The following PIK3R4 variants were observed in gnomAD, a reference collection of about 807,000 sequenced individuals.
PIK3R4 encodes phosphoinositide 3-kinase regulatory subunit 4.
Under a neutral mutation model 136.5 loss-of-function variants are expected in PIK3R4, and 46 were observed. The ratio of observed to expected loss-of-function variants is 0.34; its 90% confidence interval spans 0.27 to 0.43. PIK3R4 has a LOEUF of 0.43. Among genes scored for constraint, PIK3R4 ranks in the 20% least tolerant of loss-of-function variants. The probability of loss-of-function intolerance (pLI) is 1.00; values close to 1 mark genes in which losing one functional copy is unlikely to be tolerated. For missense variants in PIK3R4, 1,331 were observed against 1,649.5 expected, an observed-to-expected ratio of 0.81 and a Z score of 3.35; for synonymous variants, 557 against 566.7, an observed-to-expected ratio of 0.98 and a Z score of 0.24.
At chr3:130,731,295 A>C (rs1457723991) in intron 4 of PIK3R4, among the ~76,000 whole-genome samples, 2 of 152,218 alleles carry the variant, frequency 1.3e-5, no homozygotes, top group African/African-American at 4.8e-5. Context: ...CCTTAAACTT[A>C]AAATAACCTT....
At position 130,702,940 on chromosome 3, in the gene PIK3R4, T is replaced by C. The variant is rs537900585; in HGVS notation, c.3098+783A>G. On this transcript the variant is annotated intron_variant, in intron 13 of 19. Transcript: ENST00000356763. ...CATGATCATATTCCATCTAATCCATTCATTCAGCAAATCTTGTTATATCCA... is the reference window on the plus strand; with the variant it reads ...CATGATCATATTCCATCTAATCCATCCATTCAGCAAATCTTGTTATATCCA... Among the ~76,000 whole-genome samples the C allele has an allele frequency of 3.9e-5, 6 of 152,340 alleles. No individual in the cohort carries two copies. The South Asian group carries it at 1.2e-3, about 32-fold the overall frequency.
At chr3:130,736,561 A>G (rs921613786) in intron 2 of PIK3R4, among the ~76,000 whole-genome samples, 3 of 152,098 alleles carry the variant, frequency 2.0e-5, no homozygotes, top group Non-Finnish European at 2.9e-5. Flanking sequence ...TCCAGCCTGG[A>G]TGACAGAGTG....
At chr3:130,741,654 C>T (rs996887179) in intron 2 of PIK3R4, among the ~76,000 whole-genome samples, 1 of 152,086 alleles carries the variant, frequency 6.6e-6, no homozygotes, top group South Asian at 2.1e-4. Flanking sequence ...CCCTACCAGC[C>T]TTTTCAATAT....
intron 2 of PIK3R4, among the ~76,000 whole-genome samples, chr3:130,738,265 T>G (rs1161520884): frequency 2.0e-5 from 3 of 152,224 alleles, no homozygotes; most frequent in Non-Finnish European, 2.9e-5. Flanking sequence ...TAGGGTAAGC[T>G]ATGAAGTTCA....
Position 130,699,740 on chromosome 3 carries a change from C to T in PIK3R4, c.3098+3983G>A, listed in dbSNP as rs193004444. The stretch of plus-strand genomic sequence containing the variant: ...AGAAACCCCATATGCTTTTCTTAAA[C>T]CTAATTTTAAAAAACACAATTATCA... On this transcript the variant is annotated intron_variant, in intron 13 of 19. Coordinates refer to ENST00000356763, the MANE Select transcript of PIK3R4 (RefSeq NM_014602.3). Among the ~76,000 whole-genome samples, 694 of 152,252 alleles carry T rather than the reference C, an allele frequency of 4.6e-3. 8 individuals carry two copies. Among genetic ancestry groups the T allele is most frequent in the Non-Finnish European group, 4.5e-3 (308 of 68,016 alleles).
At position 130,728,686 on chromosome 3, in the gene PIK3R4, TAAAAAAAA is replaced by T; in HGVS notation, c.1586-10_1586-3del. 2 of 1,027,388 alleles carry T rather than the reference TAAAAAAAA, an allele frequency of 1.9e-6. No individual in the cohort carries two copies. Among genetic ancestry groups the T allele is most frequent in the African/African-American group, 1.9e-5 (1 of 51,570 alleles). 63.6% of individuals were successfully genotyped at this position (1,027,388 alleles called of 1,614,324 possible). A position where few individuals can be genotyped will look rare whatever the true frequency, so the allele number is the denominator to read the frequency against. On this transcript the variant is annotated splice_polypyrimidine_tract_variant and splice_region_variant and intron_variant, in intron 5 of 19. Coordinates refer to ENST00000356763, the MANE Select transcript of PIK3R4 (RefSeq NM_014602.3). ...CCATTTCATGTAAGGCTTGGAGCTCTAAAAAAAAAAAAAAAAGAAAGAAAGAAAGAAAG... is the reference window on the plus strand; with the variant it reads ...CCATTTCATGTAAGGCTTGGAGCTCTAAAAAAAAGAAAGAAAGAAAGAAAG...
chr3:130,681,084 G>A lies in PIK3R4; in HGVS notation c.3709-19C>T, dbSNP rs774173205. The A allele has an allele frequency of 7.5e-7, 1 of 1,332,488 alleles. No individual in the cohort carries two copies. The highest frequency in any genetic ancestry group is 1.7e-5 in the Admixed American group (1 of 59,660). 82.5% of individuals were successfully genotyped at this position (1,332,488 alleles called of 1,614,324 possible). A position where few individuals can be genotyped will look rare whatever the true frequency, so the allele number is the denominator to read the frequency against. ...GAGAAGGCTTAAAAGAAATAGATGT[G>A]GAGTCAAATAAAAGACATCCGTGTA... On this transcript the variant is annotated intron_variant, in intron 17 of 19. Coordinates refer to ENST00000356763, the MANE Select transcript of PIK3R4 (RefSeq NM_014602.3).
intron 13 of PIK3R4, among the ~76,000 whole-genome samples, chr3:130,696,582 A>G (rs950472021): frequency 6.6e-6 from 1 of 152,114 alleles, no homozygotes; most frequent in African/African-American, 2.4e-5. Context: ...ACTGATACCT[A>G]GTTTCATTCC....
At chr3:130,706,548 T>G (rs369351902) in intron 11 of PIK3R4, among the ~76,000 whole-genome samples, 2 of 152,222 alleles carry the variant, frequency 1.3e-5, no homozygotes, top group African/African-American at 4.8e-5. Flanking sequence ...AAAAGCATCA[T>G]GACATTTATC....
intron 1 of PIK3R4, 38 bp downstream of exon 1, chr3:130,746,280 A>G (rs1455467492): frequency 1.2e-4 from 18 of 152,170 alleles, no homozygotes; most frequent in African/African-American, 2.4e-5. Context: ...AATGCCACAC[A>G]TATACACACA....
At chr3:130,694,029 T>C (rs1477694673) in intron 13 of PIK3R4, among the ~76,000 whole-genome samples, 7 of 152,030 alleles carry the variant, frequency 4.6e-5, no homozygotes, top group Admixed American at 4.6e-4. Context: ...CCAACTGAAA[T>C]ATCCTGACAC....
chr3:130,703,764 G>T lies in PIK3R4; in HGVS notation c.3057C>A (p.Ile1019=). The T allele has an allele frequency of 6.2e-7, 1 of 1,613,472 alleles. No individual in the cohort carries two copies. Among genetic ancestry groups the T allele is most frequent in the Non-Finnish European group, 8.5e-7 (1 of 1,179,458 alleles). ...TCCCCTCCATCTTTTGACTGTTCCAGATTTTCACTGTGCCATCATTTGAAC... is the reference window on the plus strand; with the variant it reads ...TCCCCTCCATCTTTTGACTGTTCCATATTTTCACTGTGCCATCATTTGAAC... ...ATCSNDGTVK[I]WNSQKMEGKT... is the part of the protein sequence containing the mutation. Residue 1019 remains isoleucine, a synonymous_variant, in exon 13 of 20, where the codon ATC becomes ATA. Coordinates refer to ENST00000356763, the MANE Select transcript of PIK3R4 (RefSeq NM_014602.3).
intron 1 of PIK3R4, among the ~76,000 whole-genome samples, chr3:130,746,030 TAAAAAAA>T (rs796537614): frequency 3.2e-5 from 4 of 125,512 alleles, no homozygotes; most frequent in Non-Finnish European, 7.1e-5. Flanking sequence ...TCTCAAAAAA[TAAAAAAA>T]AAAAAAGAAA....
intron 2 of PIK3R4, among the ~76,000 whole-genome samples, chr3:130,742,612 C>G (rs1473049963): frequency 6.6e-6 from 1 of 152,172 alleles, no homozygotes; most frequent in Non-Finnish European, 1.5e-5. Flanking sequence ...GATTAGTGAG[C>G]TGAATAGACC....
chr3:130,694,622 C>T (rs2066536413), intron 13 of PIK3R4, among the ~76,000 whole-genome samples: 1 of 152,040 alleles, frequency 6.6e-6, no homozygotes, highest in African/African-American at 2.4e-5. Context: ...ATATATTCAT[C>T]TTGTATTCTG....
intron 2 of PIK3R4, among the ~76,000 whole-genome samples, chr3:130,744,009 A>G (rs2066839464): frequency 6.6e-6 from 1 of 152,162 alleles, no homozygotes; most frequent in African/African-American, 2.4e-5. Context: ...TTCAATGTAA[A>G]TATCATCTTT....
At chr3:130,730,245 T>C (rs777420736) in intron 5 of PIK3R4, 63 bp downstream of exon 5, 1 of 1,332,230 alleles carries the variant, frequency 7.5e-7, no homozygotes. Flanking sequence ...ATGATAGTTT[T>C]ACAAGTTAGC....
At chr3:130,733,410 T>C in intron 4 of PIK3R4, 138 bp downstream of exon 4, 1 of 616,454 alleles carries the variant, frequency 1.6e-6, no homozygotes, top group East Asian at 2.8e-5. Flanking sequence ...ACTAGAAATA[T>C]TATCAAAATG....
At chr3:130,717,855 A>T (rs191829188) in intron 8 of PIK3R4, among the ~76,000 whole-genome samples, 1 of 152,326 alleles carries the variant, frequency 6.6e-6, no homozygotes, top group East Asian at 1.9e-4. Context: ...AACACTGAAA[A>T]TCTAGGTGAA....
Sources: allele counts gnomAD v4.1 joint callset (sites outside exome capture counted in the v4.1 genomes callset), GRCh38; gene constraint gnomAD v4.1.1; transcripts MANE v1.5; gene names NCBI Gene and HGNC (gene_info 2026-07-23, HGNC 2026-07-21).